SUCLG2: variants seen among roughly 807,000 people sequenced by gnomAD.
The protein encoded by SUCLG2 is succinate-CoA ligase GDP-forming subunit beta.
A neutral mutation model predicts 47.9 loss-of-function variants in SUCLG2; 42 were observed. The observed-to-expected ratio is 0.88, with a 90% confidence interval of 0.69 to 1.14. SUCLG2 has a LOEUF of 1.14. SUCLG2 is among the 50% of genes most tolerant of loss of function. SUCLG2 has a pLI of 0.00. For missense variants in SUCLG2, 571 were observed against 525.9 expected (o/e 1.09, Z -0.84); for synonymous variants, 195 against 197.3 (o/e 0.99, Z 0.10).
intron 9 of SUCLG2, among the ~76,000 whole-genome samples, chr3:67,464,854 T>C (rs962596138): frequency 6.6e-6 from 1 of 152,106 alleles, no homozygotes; most frequent in African/African-American, 2.4e-5. Context: ...GGTTTGAAGG[T>C]GATGGTAAAA....
intron 2 of SUCLG2, among the ~76,000 whole-genome samples, chr3:67,537,236 C>T (rs1192572583): frequency 6.6e-6 from 1 of 152,068 alleles, no homozygotes; most frequent in African/African-American, 2.4e-5. Context: ...AACCCACCGA[C>T]AGGCCCCAGT....
chr3:67,560,579 C>A (rs1194847926), intron 2 of SUCLG2, among the ~76,000 whole-genome samples: 4 of 152,096 alleles, frequency 2.6e-5, no homozygotes, highest in Non-Finnish European at 5.9e-5. Flanking sequence ...GGTGGGGGTT[C>A]AATTATTAAT....
intron 2 of SUCLG2, among the ~76,000 whole-genome samples, chr3:67,557,997 G>C (rs1189101987): frequency 6.6e-6 from 1 of 152,122 alleles, no homozygotes; most frequent in Non-Finnish European, 1.5e-5. Flanking sequence ...TCTACCCTGG[G>C]TTTGTGAATG....
chr3:67,611,150 T>C (rs1700520371), intron 1 of SUCLG2, among the ~76,000 whole-genome samples: 1 of 152,210 alleles, frequency 6.6e-6, no homozygotes, highest in African/African-American at 2.4e-5. Flanking sequence ...CATAATATAA[T>C]GTATACATGC....
intron 2 of SUCLG2, among the ~76,000 whole-genome samples, chr3:67,601,257 A>C (rs2107297475): frequency 6.6e-6 from 1 of 152,362 alleles, no homozygotes; most frequent in South Asian, 2.1e-4. Flanking sequence ...CAAAACAAAA[A>C]TGAAAGAAAA....
At chr3:67,374,108 T>C (rs1026868990), downstream of SUCLG2, among the ~76,000 whole-genome samples, 2 of 152,202 alleles carry the variant, frequency 1.3e-5, no homozygotes, top group Non-Finnish European at 2.9e-5. Context: ...GTTGACATAA[T>C]ATAGGTTATT....
rs370362595 is a variant in SUCLG2 at position 67,637,282 on chromosome 3, G to A, written c.84+17221C>T. 1.3e-4 allele frequency among the ~76,000 whole-genome samples: 20 copies of A among 152,270 alleles called. No individual in the cohort carries two copies. In the East Asian group the frequency reaches 3.7e-3, roughly 28 times the overall value. On this transcript the variant is annotated intron_variant, in intron 1 of 10. Transcript: ENST00000307227. ...GAATCTTAATAAGCCCACAGTATAT[G>A]AACTGCCTCTAATTAGATTCAGGAA...
chr3:67,498,167 A>ATT lies in SUCLG2; in HGVS notation c.884_885dup (p.Tyr296AsnfsTer3). On this transcript the variant is annotated frameshift_variant, in exon 8 of 11. Coordinates refer to ENST00000307227, the MANE Select transcript of SUCLG2 (RefSeq NM_003848.4). LOFTEE classifies it high-confidence loss of function. ...GCAATGTTCCCATCTAGTCCTATGT[A>ATT]TTTTAGATCATATTTGGCAGCTTCA... The ATT allele has an allele frequency of 6.2e-7, 1 of 1,613,222 alleles. No individual in the cohort carries two copies. Among genetic ancestry groups the ATT allele is most frequent in the Non-Finnish European group, 8.5e-7 (1 of 1,179,678 alleles).
chr3:67,527,413 C>A (rs142546279), intron 4 of SUCLG2, among the ~76,000 whole-genome samples: 1 of 152,162 alleles, frequency 6.6e-6, no homozygotes, highest in Non-Finnish European at 1.5e-5. Flanking sequence ...AACACGGGTC[C>A]CTGCCTTTTT....
chr3:67,596,820 G>A (rs1708304889), intron 2 of SUCLG2, among the ~76,000 whole-genome samples: 1 of 152,218 alleles, frequency 6.6e-6, no homozygotes, highest in African/African-American at 2.4e-5. Flanking sequence ...ACACTGGCAA[G>A]GATGGAGAGC....
chr3:67,568,160 G>A (rs1707513449), intron 2 of SUCLG2, among the ~76,000 whole-genome samples: 1 of 152,120 alleles, frequency 6.6e-6, no homozygotes, highest in Non-Finnish European at 1.5e-5. Context: ...TCATCGTTGG[G>A]CTTAAATGTA....
At chr3:67,580,069 T>A (rs1415106579) in intron 2 of SUCLG2, among the ~76,000 whole-genome samples, 4 of 152,198 alleles carry the variant, frequency 2.6e-5, no homozygotes, top group Admixed American at 2.6e-4. Context: ...ATATTTATGT[T>A]TTATGGTTTT....
intron 9 of SUCLG2, among the ~76,000 whole-genome samples, chr3:67,485,130 G>A (rs1705018016): frequency 1.3e-5 from 2 of 152,146 alleles, no homozygotes; most frequent in East Asian, 3.8e-4. Context: ...TAGCATCCCA[G>A]CAACTTAGAG....
chr3:67,384,890 A>C (rs1702228643), intron 10 of SUCLG2, among the ~76,000 whole-genome samples: 1 of 152,198 alleles, frequency 6.6e-6, no homozygotes, highest in Non-Finnish European at 1.5e-5. Context: ...GCATGAGATG[A>C]AAGCTGTCTT....
At chr3:67,620,475 C>T (rs544607523) in intron 1 of SUCLG2, among the ~76,000 whole-genome samples, 1 of 148,060 alleles carries the variant, frequency 6.8e-6, no homozygotes, top group Admixed American at 6.8e-5. Context: ...ATCCCAGGTA[C>T]TCAGGAGGCT....
At chr3:67,498,408 C>T in intron 7 of SUCLG2, 113 bp from the exon 8 acceptor site, 1 of 1,147,518 alleles carries the variant, frequency 8.7e-7, no homozygotes, top group Non-Finnish European at 1.2e-6. Context: ...CATTTTTTTT[C>T]ACATGTTACA....
intron 9 of SUCLG2, among the ~76,000 whole-genome samples, chr3:67,444,385 G>T (rs1703872120): frequency 2.1e-5 from 1 of 46,980 alleles, no homozygotes; most frequent in Non-Finnish European, 4.5e-5. Context: ...GAGGGAGGTG[G>T]GGGGGTCAGC....
intron 9 of SUCLG2, among the ~76,000 whole-genome samples, chr3:67,481,369 T>G (rs1704911361): frequency 6.6e-6 from 1 of 152,228 alleles, no homozygotes; most frequent in African/African-American, 2.4e-5. Flanking sequence ...CACAACTTCT[T>G]AACTCCTTAA....
chr3:67,597,558 T>C (rs1380686914), intron 2 of SUCLG2, among the ~76,000 whole-genome samples: 4 of 152,182 alleles, frequency 2.6e-5, no homozygotes, highest in Admixed American at 6.5e-5. Flanking sequence ...CCACTCCCAG[T>C]AGTCATCCCA....
Sources: allele counts gnomAD v4.1 joint callset (sites outside exome capture counted in the v4.1 genomes callset), GRCh38; gene constraint gnomAD v4.1.1; transcripts MANE v1.5; gene names NCBI Gene and HGNC (gene_info 2026-07-23, HGNC 2026-07-21).